THRB: variants seen among roughly 807,000 people sequenced by gnomAD.
The protein encoded by THRB is thyroid hormone receptor beta, also known as nuclear receptor subfamily 1 group A member 2.
A neutral mutation model predicts 47.8 loss-of-function variants in THRB; 12 were observed. That is an observed-to-expected ratio of 0.25 (90% confidence interval 0.16 to 0.41). The LOEUF is 0.41. Among genes scored for constraint, THRB ranks in the 10% least tolerant of loss-of-function variants. THRB has a pLI of 1.00. For missense variants in THRB, 348 were observed against 589.2 expected (o/e 0.59, Z 4.24); for synonymous variants, 218 against 212.2 (o/e 1.03, Z -0.24).
intron 2 of THRB, among the ~76,000 whole-genome samples, chr3:24,329,894 T>C (rs1048741875): frequency 6.6e-6 from 1 of 152,242 alleles, no homozygotes; most frequent in Non-Finnish European, 1.5e-5. Context: ...CCAGACCTAC[T>C]GAATCAGAGA....
intron 3 of THRB, among the ~76,000 whole-genome samples, chr3:24,287,476 T>C (rs116350166): frequency 1.2e-3 from 186 of 152,324 alleles, no homozygotes; most frequent in African/African-American, 4.3e-3. Context: ...AAATCAGTTC[T>C]AGTGAAGCAT....
chr3:24,379,105 C>T (rs894383080), intron 1 of THRB, among the ~76,000 whole-genome samples: 18 of 152,076 alleles, frequency 1.2e-4, no homozygotes, highest in African/African-American at 4.3e-4. Flanking sequence ...TGCATTTAAG[C>T]ACTAAACCGC....
At chr3:24,486,909 A>T (rs1432848093) in intron 1 of THRB, among the ~76,000 whole-genome samples, 1 of 152,250 alleles carries the variant, frequency 6.6e-6, no homozygotes, top group Non-Finnish European at 1.5e-5. Flanking sequence ...CAGATGTTAG[A>T]AGTATAGCAG....
chr3:24,397,263 A>T (rs1212698659), intron 1 of THRB, among the ~76,000 whole-genome samples: 1 of 152,136 alleles, frequency 6.6e-6, no homozygotes, highest in African/African-American at 2.4e-5. Context: ...GGTTTGCAAG[A>T]GAAAAATTTT....
chr3:24,351,292 T>C (rs1453091013), intron 1 of THRB, among the ~76,000 whole-genome samples: 1 of 152,028 alleles, frequency 6.6e-6, no homozygotes, highest in Non-Finnish European at 1.5e-5. Flanking sequence ...CACACATAAA[T>C]CTGAAAGTTA....
intron 2 of THRB, among the ~76,000 whole-genome samples, chr3:24,321,243 A>G (rs1475861523): frequency 1.3e-5 from 2 of 152,294 alleles, no homozygotes; most frequent in African/African-American, 2.4e-5. Flanking sequence ...ACATCCCTGC[A>G]GACTCCACTT....
At chr3:24,421,438 A>G (rs1255703113) in intron 1 of THRB, among the ~76,000 whole-genome samples, 3 of 151,746 alleles carry the variant, frequency 2.0e-5, no homozygotes, top group African/African-American at 4.8e-5. Context: ...TGTAGGTGAA[A>G]AGAGATTAAA....
chr3:24,186,704 G>A (rs2042607580), intron 5 of THRB, among the ~76,000 whole-genome samples: 1 of 152,086 alleles, frequency 6.6e-6, no homozygotes, highest in Admixed American at 6.6e-5. Context: ...TCACCACTTT[G>A]GGAGGCTGAG....
In THRB at chr3:24,228,932, A is replaced by G. The variant is rs764831229; in HGVS notation, c.22+6T>C. 1.2e-6 allele frequency: 2 copies of G among 1,606,892 alleles called. No homozygotes were observed. Among genetic ancestry groups the G allele is most frequent in the East Asian group, 2.2e-5 (1 of 44,794 alleles). ...ACACAAAGAAAATGTAAAAAAAAAA[A>G]GATACCTGTCATACTGTTGGGAGTC... On this transcript the variant is annotated splice_donor_region_variant and intron_variant, in intron 4 of 10. Transcript: ENST00000646209.
At chr3:24,159,541 A>G (rs1312861641) in intron 5 of THRB, among the ~76,000 whole-genome samples, 2 of 152,222 alleles carry the variant, frequency 1.3e-5, no homozygotes, top group African/African-American at 2.4e-5. Flanking sequence ...ACACTTAAAT[A>G]TGATATTTGG....
chr3:24,283,766 C>T (rs1483888965), intron 3 of THRB, among the ~76,000 whole-genome samples: 2 of 152,048 alleles, frequency 1.3e-5, no homozygotes, highest in Non-Finnish European at 2.9e-5. Flanking sequence ...GTACAAAAAT[C>T]ACAAGCATTC....
At chr3:24,390,797 A>AAAAAAATATATAT in intron 1 of THRB, among the ~76,000 whole-genome samples, 1 of 137,852 alleles carries the variant, frequency 7.3e-6, no homozygotes, top group African/African-American at 2.7e-5. Flanking sequence ...AAAAAAAAAA[A>AAAAAAATATATAT]ATATATATAT....
chr3:24,416,825 A>C (rs1219669185), intron 1 of THRB, among the ~76,000 whole-genome samples: 1 of 151,814 alleles, frequency 6.6e-6, no homozygotes, highest in Non-Finnish European at 1.5e-5. Flanking sequence ...GAGCCCAGGA[A>C]TCTGCACTGT....
At chr3:24,445,505 G>A (rs531479350) in intron 1 of THRB, among the ~76,000 whole-genome samples, 304 of 152,144 alleles carry the variant, frequency 2.0e-3, no homozygotes, top group Non-Finnish European at 3.5e-3. Context: ...TAGTTCATAA[G>A]CAAAATATTA....
At chr3:24,184,305 T>C (rs2042289901) in intron 5 of THRB, among the ~76,000 whole-genome samples, 1 of 152,182 alleles carries the variant, frequency 6.6e-6, no homozygotes, top group Non-Finnish European at 1.5e-5. Context: ...TGAACAGACT[T>C]GTGCCCTGTG....
intron 2 of THRB, among the ~76,000 whole-genome samples, chr3:24,324,888 G>C (rs1260343347): frequency 2.0e-5 from 3 of 152,114 alleles, no homozygotes; most frequent in Non-Finnish European, 4.4e-5. Context: ...GTATCTACTT[G>C]CTGAAAAATA....
At position 24,119,184 on chromosome 3, in the gene THRB, T is replaced by G. The variant is rs1487571503; in HGVS notation, c.*3700A>C. The G allele has an allele frequency of 6.6e-6, 1 of 152,542 alleles. No individual in the cohort carries two copies. Among genetic ancestry groups the G allele is most frequent in the Non-Finnish European group, 1.5e-5 (1 of 68,020 alleles). 9.4% of individuals were successfully genotyped at this position (152,542 alleles called of 1,614,324 possible). A position where few individuals can be genotyped will look rare whatever the true frequency, so the allele number is the denominator to read the frequency against. On this transcript the variant is annotated 3_prime_UTR_variant, in exon 11 of 11. Coordinates refer to ENST00000646209, the MANE Select transcript of THRB (RefSeq NM_001354712.2). ...ATCACTATCAAAAGAAACACTATGC[T>G]AATATTTCCATATTATTAAAATAAC...
At chr3:24,439,597 T>A (rs757047386) in intron 1 of THRB, among the ~76,000 whole-genome samples, 3 of 152,332 alleles carry the variant, frequency 2.0e-5, no homozygotes, top group Non-Finnish European at 2.9e-5. Flanking sequence ...CACAATTCTG[T>A]TTTCCTCCAT....
rs1046471019 is a variant in THRB at position 24,198,795 on chromosome 3, A to T, written c.23-8461T>A. On this transcript the variant is annotated intron_variant, in intron 4 of 10. Coordinates refer to ENST00000646209, the MANE Select transcript of THRB (RefSeq NM_001354712.2). ...GACTGTGAACAGATCCTACTTTGGT[A>T]TTCTCAACAATTTAAGCCTGCAAAA... is the stretch of plus-strand genomic sequence containing the variant. 2.0e-5 allele frequency among the ~76,000 whole-genome samples: 3 copies of T among 152,164 alleles called. No individual in the cohort carries two copies. The East Asian group carries it at 5.8e-4, about 29-fold the overall frequency.
Sources: gnomAD v4.1 joint callset for allele counts (sites outside exome capture counted in the v4.1 genomes callset) on GRCh38, gnomAD v4.1.1 for gene constraint, MANE v1.5 for transcripts, NCBI Gene and HGNC (gene_info 2026-07-23, HGNC 2026-07-21) for gene names.